The following MCM7 variants were observed in gnomAD, a reference collection of about 807,000 sequenced individuals.
The protein encoded by MCM7 is minichromosome maintenance complex component 7, also known as DNA replication licensing factor MCM7.
In MCM7, 95 loss-of-function variants were observed where a neutral mutation model predicts 83.5. That is an observed-to-expected ratio of 1.14 (90% CI 0.96 to 1.35). The LOEUF (loss-of-function observed/expected upper bound fraction) is 1.35. Among genes scored for constraint, MCM7 ranks in the 40% most tolerant of loss-of-function variants. The pLI is 0.00. For missense variants in MCM7, 1,087 were observed against 957.4 expected, an observed-to-expected ratio of 1.14 and a Z score of -1.79; for synonymous variants, 461 against 352.7, an observed-to-expected ratio of 1.31 and a Z score of -3.44.
In MCM7 at chr7:100,097,348, ACACCAGGATCCCC is replaced by A. The variant is rs1181003589; in HGVS notation, c.1141_1153del (p.Gly381TrpfsTer35). 6 of 1,614,074 alleles carry A rather than the reference ACACCAGGATCCCC, an allele frequency of 3.7e-6. No homozygotes were observed. The highest frequency in any genetic ancestry group is 5.1e-6 in the Non-Finnish European group (6 of 1,180,048). On this transcript the variant is annotated frameshift_variant, in exon 10 of 15. Coordinates refer to ENST00000303887, the MANE Select transcript of MCM7 (RefSeq NM_005916.5). LOFTEE classifies it high-confidence loss of function. ...GTATGACAGGAGCTGAGACTTGGCC[ACACCAGGATCCCC>A]CATCAGACAGATGTTGATGTTGCCT...
Position 100,096,091 on chromosome 7 carries a change from T to C in MCM7, c.1278A>G (p.Glu426=), listed in dbSNP as rs140776561. The C allele has an allele frequency of 1.4e-5, 23 of 1,614,008 alleles. No individual in the cohort carries two copies. The African/African-American group carries it at 2.5e-4, about 18-fold the overall frequency. The change falls in exon 11 of 15, where the codon GAA becomes GAG. Residue 426 remains glutamate (E), a synonymous_variant. Coordinates refer to ENST00000303887, the MANE Select transcript of MCM7 (RefSeq NM_005916.5). The stretch of plus-strand genomic sequence containing the variant: ...CCAGGGCCCCACCCTCTAAGGTCAG[T>C]TCTCCACTCACGGAGTCTCTCAGCA... ...AAVLRDSVSG[E]LTLEGGALVL...
At position 100,093,264 on chromosome 7, in the gene MCM7, C is replaced by G; in HGVS notation, c.1958+28G>C. 1.9e-6 allele frequency: 3 copies of G among 1,600,264 alleles called. No individual in the cohort carries two copies. The South Asian group carries it at 3.3e-5, about 18-fold the overall frequency. On this transcript the variant is annotated intron_variant, in intron 14 of 14. Transcript: ENST00000303887. Reference sequence around the variant, plus strand: ...CATGGCCACAGAAGACAAAGTGACACAGCTTTGTCCTTCACTAAACCACTC... The same window carrying G: ...CATGGCCACAGAAGACAAAGTGACAGAGCTTTGTCCTTCACTAAACCACTC...
At position 100,092,814 on chromosome 7, in the gene MCM7, G is replaced by A. The variant is rs1795383199; in HGVS notation, c.*118C>T. 7 of 1,025,242 alleles carry A rather than the reference G, an allele frequency of 6.8e-6. No homozygotes were observed. The highest frequency in any genetic ancestry group is 4.4e-5 in the South Asian group (3 of 68,420). 63.5% of individuals were successfully genotyped at this position (1,025,242 alleles called of 1,614,324 possible). ...ACAAACACTTTTATTAGCAAAAGGA[G>A]TAAGTGCAGCATGGGAGAAAGAGGG... On this transcript the variant is annotated 3_prime_UTR_variant, in exon 15 of 15. Coordinates refer to ENST00000303887, the MANE Select transcript of MCM7 (RefSeq NM_005916.5).
Position 100,095,431 on chromosome 7 carries a change from C to A in MCM7, c.1635G>T (p.Arg545=). Residue 545 remains arginine (R), a synonymous_variant, in exon 12 of 15, where the codon CGG becomes CGT. Transcript: ENST00000303887. ...QHITYVHQHS[R]QPPSQFEPLD... ...GAGGTTCAAACTGGGAGGGGGGCTG[C>A]CGGCTGTGCTGGTGCACATAGGTGA... 1 of 1,614,050 alleles carries A rather than the reference C, an allele frequency of 6.2e-7. No individual in the cohort carries two copies. Among genetic ancestry groups the A allele is most frequent in the Middle Eastern group, 1.7e-4 (1 of 6,048 alleles).
chr7:100,096,574 G>A (rs113993164), intron 10 of MCM7, among the ~76,000 whole-genome samples: 162 of 152,240 alleles, frequency 1.1e-3, no homozygotes, highest in Non-Finnish European at 1.7e-3. Flanking sequence ...TCAGGAGTTC[G>A]AGACCAGCCT....
chr7:100,100,460 C>T (rs962884156), intron 1 of MCM7: 1 of 997,150 alleles, frequency 1.0e-6, no homozygotes, highest in Non-Finnish European at 1.2e-6. Flanking sequence ...CCTGATTTCA[C>T]CGGGACCTCC....
rs372520075 is a variant in MCM7 at position 100,094,320 on chromosome 7, G to T, written c.1701C>A (p.Arg567=). 4.3e-6 allele frequency: 7 copies of T among 1,613,988 alleles called. No individual in the cohort carries two copies. In the African/African-American group the frequency reaches 9.3e-5, roughly 22 times the overall value. ...ACTCTGGCACCATGGGCTGCTTCTC[G>T]CGGCACATGGCTATGTAACGCCTGT... The part of the protein sequence containing the change: ...KLMRRYIAMC[R]EKQPMVPESL... The change falls in exon 13 of 15, where the codon CGC becomes CGA. Residue 567 remains arginine, a synonymous_variant. Coordinates refer to ENST00000303887, the MANE Select transcript of MCM7 (RefSeq NM_005916.5).
intron 13 of MCM7, 184 bp from the exon 14 acceptor site, chr7:100,093,585 G>C (rs991454083): frequency 2.6e-6 from 2 of 778,100 alleles, no homozygotes; most frequent in Non-Finnish European, 4.8e-6. Flanking sequence ...ACCGAGACAA[G>C]TGCAATGCCC....
At chr7:100,100,485 C>G in intron 1 of MCM7, 1 of 1,000,894 alleles carries the variant, frequency 1.0e-6, no homozygotes, top group Non-Finnish European at 1.2e-6. Context: ...CCGCACCCCG[C>G]CACCGCACCC....
At chr7:100,100,691 G>A (rs768937945) in intron 1 of MCM7, 7 of 989,758 alleles carry the variant, frequency 7.1e-6, no homozygotes, top group Non-Finnish European at 8.4e-6. Flanking sequence ...CGGATCCCAG[G>A]CACGCCCCCC....
Position 100,097,941 on chromosome 7 carries a change from A to C in MCM7, c.878T>G (p.Leu293Arg), listed in dbSNP as rs964331581. The C allele has an allele frequency of 3.1e-6, 5 of 1,613,992 alleles. No individual in the cohort carries two copies. In the Admixed American group the frequency reaches 5.0e-5, roughly 16 times the overall value. ...ATGGGCTTCCAGGTAGGTTTCTGAGAGTAAACCCTTGGGCAGGAAAATGCC... is the reference window on the plus strand; with the variant it reads ...ATGGGCTTCCAGGTAGGTTTCTGAGCGTAAACCCTTGGGCAGGAAAATGCC... ...TGFRQVVQGL[L>R]SETYLEAHRI... The change falls in exon 8 of 15, where the codon CTC (leucine) becomes CGC (arginine). Residue 293 changes from leucine to arginine, a missense_variant. Coordinates refer to ENST00000303887, the MANE Select transcript of MCM7 (RefSeq NM_005916.5).
In MCM7 at chr7:100,099,998, C is replaced by T; in HGVS notation, c.111+16G>A. ...GCACCCCGCTCCCCATTCCCTTTACCCAATCTTAGACTTACCAACTGGTTC... is the reference window on the plus strand; with the variant it reads ...GCACCCCGCTCCCCATTCCCTTTACTCAATCTTAGACTTACCAACTGGTTC... On this transcript the variant is annotated intron_variant, in intron 2 of 14. Coordinates refer to ENST00000303887, the MANE Select transcript of MCM7 (RefSeq NM_005916.5). 6.2e-7 allele frequency: 1 copy of T among 1,610,762 alleles called. No homozygotes were observed. The highest frequency in any genetic ancestry group is 1.1e-5 in the South Asian group (1 of 90,926).
At chr7:100,098,775 G>C (rs576764265) in intron 5 of MCM7, 60 bp from the exon 6 acceptor site, 2 of 1,595,216 alleles carry the variant, frequency 1.3e-6, no homozygotes, top group African/African-American at 2.7e-5. Flanking sequence ...CCATTGGGTC[G>C]GTCCTTTGAA....
At chr7:100,093,463 GAC>G in intron 13 of MCM7, 62 bp from the exon 14 acceptor site, 1 of 1,470,566 alleles carries the variant, frequency 6.8e-7, no homozygotes, top group Non-Finnish European at 9.5e-7. Context: ...GAGGTCAGGG[GAC>G]ACCCTTGTTC....
chr7:100,093,430 G>C, intron 13 of MCM7, 29 bp from the exon 14 acceptor site: 1 of 1,598,458 alleles, frequency 6.3e-7, no homozygotes, highest in Non-Finnish European at 8.6e-7. Context: ...GGAAAGATGG[G>C]AACGGGAGGA....
chr7:100,100,319 G>A, intron 1 of MCM7: 1 of 1,245,306 alleles, frequency 8.0e-7, no homozygotes, highest in Non-Finnish European at 1.0e-6. Context: ...ATCTCCCCAG[G>A]GGAATTCCGG....
chr7:100,100,130 T>G, intron 1 of MCM7, 37 bp from the exon 2 acceptor site: 1 of 1,608,278 alleles, frequency 6.2e-7, no homozygotes, highest in African/African-American at 1.3e-5. Context: ...GACACAAACT[T>G]TAAGACAAAT....
At chr7:100,094,488 T>TG in intron 12 of MCM7, 147 bp from the exon 13 acceptor site, 1 of 853,200 alleles carries the variant, frequency 1.2e-6, no homozygotes, top group Non-Finnish European at 1.8e-6. Context: ...AGTGGGTGAT[T>TG]ATTTGCTTGG....
chr7:100,099,701 A>ACAC lies in MCM7; in HGVS notation c.163_164insGTG (p.Asp54_Val55insGly). 1 of 1,614,210 alleles carries ACAC rather than the reference A, an allele frequency of 6.2e-7. No individual in the cohort carries two copies. On this transcript the variant is annotated inframe_insertion, in exon 3 of 15. Transcript: ENST00000303887. ...CACCAACTCGGGGTCATCCTCGGCT[A>ACAC]CGTCGTCCAGGTCCACATACAGAGC...
Sources: allele counts gnomAD v4.1 joint callset (sites outside exome capture counted in the v4.1 genomes callset), GRCh38; gene constraint gnomAD v4.1.1; transcripts MANE v1.5; gene names NCBI Gene and HGNC (gene_info 2026-07-23, HGNC 2026-07-21).